Variants in PDE4B observed in about 807,000 individuals in gnomAD.
PDE4B encodes 3',5'-cyclic-AMP phosphodiesterase 4B.
Under a neutral mutation model 82.2 loss-of-function variants are expected in PDE4B, and 20 were observed. That is an observed-to-expected ratio of 0.24 (90% CI 0.17 to 0.35). The LOEUF (loss-of-function observed/expected upper bound fraction) is 0.35. Ranked by LOEUF, PDE4B falls within the 10% of genes least tolerant of loss-of-function variation. The pLI is 1.00. For missense variants in PDE4B, 655 were observed against 907.2 expected (o/e 0.72, Z 3.57); for synonymous variants, 320 against 318.9 (o/e 1.00, Z -0.04).
At chr1:66,005,562 G>A (rs1253807504) in intron 3 of PDE4B, among the ~76,000 whole-genome samples, 2 of 151,982 alleles carry the variant, frequency 1.3e-5, no homozygotes, top group Non-Finnish European at 2.9e-5. Flanking sequence ...TTAAGTCCAG[G>A]GATTCTATTT....
At chr1:65,803,708 T>G (rs766422680) in intron 1 of PDE4B, among the ~76,000 whole-genome samples, 4 of 152,190 alleles carry the variant, frequency 2.6e-5, no homozygotes, top group Non-Finnish European at 5.9e-5. Context: ...AATAGAATCT[T>G]AAATCTAGAA....
At chr1:66,096,055 G>A (rs1012747655) in intron 3 of PDE4B, among the ~76,000 whole-genome samples, 40 of 151,604 alleles carry the variant, frequency 2.6e-4, no homozygotes, top group African/African-American at 9.7e-4. Flanking sequence ...CTAGCTATTT[G>A]AAACTGTATA....
chr1:66,318,223 T>C (rs1009070594), intron 7 of PDE4B, among the ~76,000 whole-genome samples: 2 of 152,316 alleles, frequency 1.3e-5, no homozygotes, highest in Middle Eastern at 3.4e-3. Flanking sequence ...GTGTTGTAAC[T>C]TTGGGCAGAT....
At position 65,886,284 on chromosome 1, in the gene PDE4B, A is replaced by T. The variant is rs139051432; in HGVS notation, c.-70-26961A>T. Among the ~76,000 whole-genome samples, 1,237 of 152,162 alleles carry T rather than the reference A, an allele frequency of 8.1e-3. 14 individuals are homozygous for T. The highest frequency in any genetic ancestry group is 0.025 in the African/African-American group (1,044 of 41,522). On this transcript the variant is annotated intron_variant, in intron 1 of 16. Transcript: ENST00000341517. ...TAATATTTGTATGTATTTATGGGGT[A>T]CATGTGGTATTTTGTTATATGCGCT...
At chr1:66,119,489 C>T (rs970426197) in intron 3 of PDE4B, among the ~76,000 whole-genome samples, 1 of 74,750 alleles carries the variant, frequency 1.3e-5, no homozygotes, top group African/African-American at 5.4e-5. Flanking sequence ...TATTCACTTC[C>T]CAGGAGAAAT....
intron 1 of PDE4B, among the ~76,000 whole-genome samples, chr1:65,908,218 G>A (rs1442422741): frequency 1.3e-5 from 2 of 152,246 alleles, no homozygotes; most frequent in East Asian, 3.9e-4. Flanking sequence ...AGAATAAAGA[G>A]GGTCTCCTCT....
At chr1:66,128,427 A>G (rs1391957421) in intron 3 of PDE4B, among the ~76,000 whole-genome samples, 1 of 152,240 alleles carries the variant, frequency 6.6e-6, no homozygotes. Context: ...AAAATGTACA[A>G]TTTGGGGAGA....
At chr1:66,107,236 A>G (rs1160606802) in intron 3 of PDE4B, among the ~76,000 whole-genome samples, 2 of 151,976 alleles carry the variant, frequency 1.3e-5, no homozygotes, top group Non-Finnish European at 2.9e-5. Flanking sequence ...GTTTCCATGT[A>G]GTTGAGCGGT....
chr1:65,879,807 A>T (rs1324861207), intron 1 of PDE4B, among the ~76,000 whole-genome samples: 1 of 152,212 alleles, frequency 6.6e-6, no homozygotes, highest in African/African-American at 2.4e-5. Context: ...ATTCCTAACC[A>T]AACTTAAGGG....
chr1:66,292,385 T>C (rs966769354), intron 7 of PDE4B, among the ~76,000 whole-genome samples: 2 of 152,200 alleles, frequency 1.3e-5, no homozygotes, highest in African/African-American at 4.8e-5. Flanking sequence ...CAAGATCTCA[T>C]AGCTACTGAG....
chr1:66,303,016 C>T (rs1398372861), intron 7 of PDE4B, among the ~76,000 whole-genome samples: 5 of 152,130 alleles, frequency 3.3e-5, no homozygotes, highest in South Asian at 4.1e-4. Context: ...ATTACCCACA[C>T]TCTGTTCATA....
intron 3 of PDE4B, among the ~76,000 whole-genome samples, chr1:66,073,341 AC>A (rs1471410015): frequency 6.6e-6 from 1 of 152,088 alleles, no homozygotes; most frequent in African/African-American, 2.4e-5. Flanking sequence ...ATTTCTTCAA[AC>A]CTATTTCATG....
chr1:66,327,377 A>G (rs1659815423), intron 7 of PDE4B, among the ~76,000 whole-genome samples: 1 of 152,256 alleles, frequency 6.6e-6, no homozygotes, highest in East Asian at 1.9e-4. Flanking sequence ...ACAGACACAC[A>G]AACACATACA....
At chr1:66,323,578 G>A (rs146354540) in intron 7 of PDE4B, among the ~76,000 whole-genome samples, 30 of 152,030 alleles carry the variant, frequency 2.0e-4, no homozygotes, top group East Asian at 1.2e-3. Flanking sequence ...ATTATTTATC[G>A]TATCATATTC....
At chr1:66,268,712 A>G (rs1655244600) in intron 7 of PDE4B, among the ~76,000 whole-genome samples, 1 of 151,730 alleles carries the variant, frequency 6.6e-6, no homozygotes, top group African/African-American at 2.4e-5. Context: ...GAAAATAAAG[A>G]AAGAAATACC....
chr1:66,278,216 G>T (rs1455111071), intron 7 of PDE4B, among the ~76,000 whole-genome samples: 1 of 152,194 alleles, frequency 6.6e-6, no homozygotes, highest in African/African-American at 2.4e-5. Flanking sequence ...GAGAAAGATT[G>T]CTGTCCTATT....
intron 3 of PDE4B, among the ~76,000 whole-genome samples, chr1:66,106,438 T>C (rs1395411429): frequency 6.6e-6 from 1 of 152,146 alleles, no homozygotes; most frequent in Non-Finnish European, 1.5e-5. Flanking sequence ...GGTATCAGGA[T>C]GATGCTGGCC....
intron 1 of PDE4B, among the ~76,000 whole-genome samples, chr1:65,818,711 C>T (rs1645915859): frequency 8.7e-6 from 1 of 115,012 alleles, no homozygotes; most frequent in Non-Finnish European, 1.9e-5. Context: ...TATAAAATAA[C>T]AAAAATCTTC....
intron 1 of PDE4B, among the ~76,000 whole-genome samples, chr1:65,816,239 G>GAT (rs1429792390): frequency 7.1e-5 from 3 of 42,542 alleles, no homozygotes; most frequent in East Asian, 2.7e-4. Flanking sequence ...GAGAGAGAGA[G>GAT]AGATAGAGAG....
Sources: allele counts gnomAD v4.1 joint callset (sites outside exome capture counted in the v4.1 genomes callset), GRCh38; gene constraint gnomAD v4.1.1; transcripts MANE v1.5; gene names NCBI Gene and HGNC (gene_info 2026-07-23, HGNC 2026-07-21).